The following COL20A1 variants were observed in gnomAD, a reference collection of about 807,000 sequenced individuals.
COL20A1 encodes collagen alpha-1(XX) chain.
In COL20A1, 164 loss-of-function variants were observed where a neutral mutation model predicts 152.9. That is an observed-to-expected ratio of 1.07 (90% CI 0.94 to 1.22). COL20A1 has a LOEUF of 1.22. Among genes scored for constraint, COL20A1 ranks in the 50% most tolerant of loss-of-function variants. COL20A1 has a pLI of 0.00. For synonymous variants in COL20A1, 864 were observed against 756.0 expected, an observed-to-expected ratio of 1.14 and a Z score of -2.34; for missense variants, 1,873 against 1,744.8, an observed-to-expected ratio of 1.07 and a Z score of -1.31.
chr20:63,299,778 C>T (rs1024807298), intron 3 of COL20A1, among the ~76,000 whole-genome samples: 1 of 151,478 alleles, frequency 6.6e-6, no homozygotes, highest in African/African-American at 2.4e-5. Context: ...ATGTAGTAAA[C>T]TACAGTGATT....
chr20:63,296,523 C>G (rs1046189454), intron 2 of COL20A1, among the ~76,000 whole-genome samples: 13 of 152,158 alleles, frequency 8.5e-5, no homozygotes, highest in African/African-American at 3.1e-4. Flanking sequence ...AGGCTGGGTG[C>G]GGCCACAGTC....
At chr20:63,300,659 G>T (rs147955411) in intron 3 of COL20A1, among the ~76,000 whole-genome samples, 241 of 152,160 alleles carry the variant, frequency 1.6e-3, no homozygotes, top group African/African-American at 5.6e-3. Flanking sequence ...GTCTGTCGTT[G>T]ATTTTGTTTA....
At chr20:63,315,511 G>C in intron 20 of COL20A1, 72 bp downstream of exon 20, 7 of 1,387,006 alleles carry the variant, frequency 5.0e-6, no homozygotes, top group Non-Finnish European at 6.8e-6. Context: ...TGGGGGCCAA[G>C]GGTGTCGTGA....
At position 63,300,180 on chromosome 20, in the gene COL20A1, T is replaced by A. The variant is rs772450959; in HGVS notation, c.193+2160T>A. 2.0e-5 allele frequency among the ~76,000 whole-genome samples: 3 copies of A among 152,220 alleles called. No individual in the cohort carries two copies. In the South Asian group the frequency reaches 6.2e-4, roughly 31 times the overall value. ...AATATTGGCCAATAACTACCCTTTC[T>A]TATAAAGTCCTTTTAAAGTTTGGTA... On this transcript the variant is annotated intron_variant, in intron 3 of 35. Transcript: ENST00000358894.
chr20:63,299,539 C>T (rs894952542), intron 3 of COL20A1, among the ~76,000 whole-genome samples: 5 of 152,218 alleles, frequency 3.3e-5, no homozygotes, highest in African/African-American at 1.2e-4. Flanking sequence ...ATCCTGTAGC[C>T]GCTATCACAA....
intron 11 of COL20A1, among the ~76,000 whole-genome samples, 151 bp downstream of exon 11, chr20:63,310,661 A>G (rs1359696336): frequency 6.6e-6 from 1 of 152,124 alleles, no homozygotes; most frequent in African/African-American, 2.4e-5. Context: ...TGTGTGACCA[A>G]GGCCGAGTCA....
chr20:63,308,223 A>AG, intron 7 of COL20A1, 133 bp downstream of exon 7: 1 of 1,090,208 alleles, frequency 9.2e-7, no homozygotes, highest in Middle Eastern at 3.0e-4. Flanking sequence ...ACCTTTATAG[A>AG]GGGCAGAGTC....
chr20:63,295,746 T>C (rs1568760452), intron 2 of COL20A1, among the ~76,000 whole-genome samples: 1 of 152,262 alleles, frequency 6.6e-6, no homozygotes. Context: ...GAGGATGCTG[T>C]GGGCTCACCT....
At chr20:63,325,781 G>A in intron 29 of COL20A1, 60 bp downstream of exon 29, 1 of 1,489,736 alleles carries the variant, frequency 6.7e-7, no homozygotes, top group Non-Finnish European at 9.3e-7. Flanking sequence ...TGGGGACGGG[G>A]GGCCTTGGAG....
In COL20A1 at chr20:63,312,821, A is replaced by T; in HGVS notation, c.1963A>T (p.Met655Leu). 6.4e-7 allele frequency: 1 copy of T among 1,562,686 alleles called. No homozygotes were observed. Among genetic ancestry groups the T allele is most frequent in the African/African-American group, 1.4e-5 (1 of 73,722 alleles). The part of the protein sequence containing the change: ...KKAPSPSQLS[M>L]TELPGDAVQL... Reference sequence around the variant, plus strand: ...AGCTCCCAGCCCAAGCCAGCTGTCCATGACGGAGCTGCCAGGGGATGCAGT... The same window carrying T: ...AGCTCCCAGCCCAAGCCAGCTGTCCTTGACGGAGCTGCCAGGGGATGCAGT... The change falls in exon 16 of 36, where the codon ATG becomes TTG. Residue 655 changes from methionine to leucine, a missense_variant. Met to Leu is a conservative substitution (Grantham distance 15). Transcript: ENST00000358894.
In COL20A1 at chr20:63,311,979, T is replaced by A. The variant is rs773025102; in HGVS notation, c.1727T>A (p.Phe576Tyr). 8 of 1,601,718 alleles carry A rather than the reference T, an allele frequency of 5.0e-6. No homozygotes were observed. In the South Asian group the frequency reaches 6.7e-5, roughly 13 times the overall value. Residue 576 changes from phenylalanine to tyrosine, a missense_variant, in exon 14 of 36, where the codon TTC becomes TAC. Physicochemically the swap from Phe to Tyr is conservative, Grantham distance 22 (BLOSUM62 3). Transcript: ENST00000358894. The surrounding 1 kb of genome is among the most constrained non-coding windows in gnomAD (Gnocchi z 4.4). ...GTGAGCCACGACGCGGCACGAGTGTTCTGGGAGGGTGCCCCGAGGCCTGTG... is the reference window on the plus strand; with the variant it reads ...GTGAGCCACGACGCGGCACGAGTGTACTGGGAGGGTGCCCCGAGGCCTGTG... ...SDVSHDAARV[F>Y]WEGAPRPVRL...
chr20:63,311,329 G>T lies in COL20A1; in HGVS notation c.1394-65G>T, dbSNP rs2068001836. The T allele has an allele frequency of 2.7e-6, 4 of 1,462,158 alleles. No individual in the cohort carries two copies. The highest frequency in any genetic ancestry group is 3.6e-6 in the Non-Finnish European group (4 of 1,096,940). 90.6% of individuals were successfully genotyped at this position (1,462,158 alleles called of 1,614,324 possible). A position where few individuals can be genotyped will look rare whatever the true frequency, so the allele number is the denominator to read the frequency against. Reference sequence around the variant, plus strand: ...TGCCCACCCACTCTGGTGTGAGGGTGCCCCGTGCGTGGGTGTGATCTCTGT... The same window carrying T: ...TGCCCACCCACTCTGGTGTGAGGGTTCCCCGTGCGTGGGTGTGATCTCTGT... On this transcript the variant is annotated intron_variant, in intron 11 of 35. Transcript: ENST00000358894. This position sits in a 1 kb window ranked among gnomAD's most constrained non-coding sequence, Gnocchi z 4.4.
intron 1 of COL20A1, among the ~76,000 whole-genome samples, chr20:63,294,734 C>T (rs755188819): frequency 1.8e-4 from 27 of 152,154 alleles, no homozygotes; most frequent in Non-Finnish European, 2.8e-4. Flanking sequence ...CCGTGGCCCT[C>T]GGGAGCCCCA....
chr20:63,314,235 AC>A, intron 19 of COL20A1, 34 bp downstream of exon 19: 1 of 1,541,652 alleles, frequency 6.5e-7, no homozygotes, highest in Non-Finnish European at 8.8e-7. Flanking sequence ...ACCCAGGTAG[AC>A]CCAGCCCCAG....
chr20:63,312,681 G>C (rs529876149), intron 15 of COL20A1, 111 bp from the exon 16 acceptor site: 2 of 1,458,666 alleles, frequency 1.4e-6, no homozygotes, highest in African/African-American at 2.8e-5. Flanking sequence ...ATGGGCACCC[G>C]GACGGGTGTG....
intron 27 of COL20A1, chr20:63,324,528 A>G (rs2068214863): frequency 6.6e-6 from 1 of 152,280 alleles, no homozygotes; most frequent in Non-Finnish European, 1.5e-5. Flanking sequence ...AAGAATGCAC[A>G]TTAAACAAGC....
Position 63,320,171 on chromosome 20 carries a change from A to C in COL20A1, c.3049A>C (p.Arg1017=). ...CACGCTGGGGAGGCTGGCCAAGGCC[A>C]GGGGCCCCCGGAGCAGTTCGGCCGC... ...FVTLGRLAKA[R]GPRSSSAAFQ... is the part of the protein sequence containing the mutation. Residue 1017 remains arginine (R), a synonymous_variant, in exon 24 of 36, where the codon AGG becomes CGG. Transcript: ENST00000358894. 6.4e-7 allele frequency: 1 copy of C among 1,562,132 alleles called. No homozygotes were observed. The highest frequency in any genetic ancestry group is 8.7e-7 in the Non-Finnish European group (1 of 1,155,602).
chr20:63,294,521 C>T (rs762395345), intron 1 of COL20A1, among the ~76,000 whole-genome samples: 42 of 152,076 alleles, frequency 2.8e-4, no homozygotes, highest in Non-Finnish European at 5.3e-4. Flanking sequence ...GCCTCAGAGC[C>T]GTGTGCCCGT....
At chr20:63,318,279 G>A (rs1232800641) in intron 21 of COL20A1, among the ~76,000 whole-genome samples, 1 of 152,184 alleles carries the variant, frequency 6.6e-6, no homozygotes, top group Non-Finnish European at 1.5e-5. Context: ...GGCATCACAG[G>A]TGCCCAGGCC....
Sources: gnomAD v4.1 joint callset for allele counts (sites outside exome capture counted in the v4.1 genomes callset) on GRCh38, gnomAD v4.1.1 for gene constraint, Gnocchi (gnomAD v3.1) non-coding constraint, MANE v1.5 for transcripts, NCBI Gene and HGNC (gene_info 2026-07-23, HGNC 2026-07-21) for gene names.